Variants in GFPT2 observed in about 807,000 individuals in gnomAD.
GFPT2 encodes the protein glutamine--fructose-6-phosphate transaminase 2.
GFPT2 carries 62 observed loss-of-function variants against 85.6 expected under a neutral mutation model. The observed-to-expected ratio is 0.72, with a 90% CI of 0.59 to 0.90. GFPT2 has a LOEUF of 0.90. Ranked by LOEUF, GFPT2 falls within the 40% of genes least tolerant of loss-of-function variation. The pLI, the probability that GFPT2 is intolerant of heterozygous loss-of-function variation, is 0.00. For synonymous variants in GFPT2, 368 were observed against 344.5 expected, an observed-to-expected ratio of 1.07 and a Z score of -0.75; for missense variants, 788 against 893.4, an observed-to-expected ratio of 0.88 and a Z score of 1.50.
chr5:180,335,772 C>G, intron 4 of GFPT2, 56 bp downstream of exon 4: 2 of 1,568,084 alleles, frequency 1.3e-6, no homozygotes, highest in Non-Finnish European at 1.7e-6. Context: ...GGGCACTGGC[C>G]CTGACACAGC....
At chr5:180,336,453 C>T in intron 3 of GFPT2, 26 bp downstream of exon 3, 1 of 1,282,146 alleles carries the variant, frequency 7.8e-7, no homozygotes, top group Non-Finnish European at 1.1e-6. Flanking sequence ...GCAGCGGCTC[C>T]TCCCACTCAG....
chr5:180,352,271 G>A (rs1467954951), intron 1 of GFPT2: 2 of 379,292 alleles, frequency 5.3e-6, no homozygotes, highest in African/African-American at 2.2e-5. Context: ...GGCCTTTCAT[G>A]GCTTCGAAAG....
At chr5:180,346,541 G>A (rs747501194) in intron 1 of GFPT2, among the ~76,000 whole-genome samples, 1 of 152,108 alleles carries the variant, frequency 6.6e-6, no homozygotes, top group South Asian at 2.1e-4. Context: ...TCTCTGCCCC[G>A]CGGGCCCACC....
At chr5:180,342,564 C>G (rs1045028565) in intron 1 of GFPT2, among the ~76,000 whole-genome samples, 4 of 151,984 alleles carry the variant, frequency 2.6e-5, no homozygotes, top group Admixed American at 6.6e-5. Context: ...GCATAAGCCA[C>G]AGTGCCCAGC....
Position 180,336,464 on chromosome 5 carries a change from A to T in GFPT2, c.214+15T>A. 7.0e-7 allele frequency: 1 copy of T among 1,426,754 alleles called. No homozygotes were observed. Among genetic ancestry groups the T allele is most frequent in the Non-Finnish European group, 9.9e-7 (1 of 1,008,898 alleles). The allele number at this position is 1,426,754 out of a possible 1,614,324, so 88.4% of individuals were successfully genotyped here. On this transcript the variant is annotated intron_variant, in intron 3 of 18. Transcript: ENST00000253778. ...CGCTGCAGCGGCTCCTCCCACTCAG[A>T]GGTCCTCCACTTACTGTAAAGTTCT...
chr5:180,337,169 G>A (rs376914862), intron 2 of GFPT2, among the ~76,000 whole-genome samples: 1 of 152,180 alleles, frequency 6.6e-6, no homozygotes, highest in East Asian at 1.9e-4. Flanking sequence ...AAGAGTTTAG[G>A]ATCGGCCGGG....
At chr5:180,312,399 A>C (rs1763910426) in intron 15 of GFPT2, 31 bp downstream of exon 15, 2 of 1,152,034 alleles carry the variant, frequency 1.7e-6, no homozygotes, top group Non-Finnish European at 2.6e-6. Flanking sequence ...ACTAGATCTG[A>C]AAACATGGAA....
rs184877197 is a variant in GFPT2 at position 180,303,840 on chromosome 5, C to T, written c.1842+932G>A. Among the ~76,000 whole-genome samples the T allele has an allele frequency of 2.4e-3, 371 of 152,260 alleles. 1 individual carries two copies. The highest frequency in any genetic ancestry group is 3.4e-3 in the Admixed American group (52 of 15,290). ...TTTATGGGAGGTCCCTTGGACTATA[C>T]CTAACTTTATGCTAAGGTGACGACT... On this transcript the variant is annotated intron_variant, in intron 17 of 18. Transcript: ENST00000253778.
chr5:180,317,179 T>C (rs1211006553), intron 10 of GFPT2, 121 bp from the exon 11 acceptor site: 1 of 732,740 alleles, frequency 1.4e-6, no homozygotes, highest in Non-Finnish European at 2.4e-6. Context: ...CCCCAGGGAT[T>C]ACCCTGCCTG....
chr5:180,329,800 A>G (rs976144132), intron 6 of GFPT2, among the ~76,000 whole-genome samples: 2 of 152,156 alleles, frequency 1.3e-5, no homozygotes, highest in African/African-American at 4.8e-5. Flanking sequence ...ATGGGCTCTG[A>G]GAGGCCCGGA....
intron 1 of GFPT2, among the ~76,000 whole-genome samples, chr5:180,351,918 C>T (rs1422397546): frequency 6.6e-6 from 1 of 152,178 alleles, no homozygotes; most frequent in Non-Finnish European, 1.5e-5. Context: ...CCAGTTTTGG[C>T]CAAGGGTCTT....
At chr5:180,317,989 T>C (rs923812261) in intron 10 of GFPT2, among the ~76,000 whole-genome samples, 1 of 151,098 alleles carries the variant, frequency 6.6e-6, no homozygotes, top group South Asian at 2.1e-4. Context: ...CTGGCACTTG[T>C]GCGACGAGCA....
intron 8 of GFPT2, chr5:180,324,526 C>T (rs1166551789): frequency 5.2e-6 from 3 of 582,330 alleles, no homozygotes; most frequent in African/African-American, 3.7e-5. Flanking sequence ...CAAAAACAAA[C>T]CAAAGAAGCA....
rs200888012 is a variant in GFPT2 at position 180,304,871 on chromosome 5, C to T, written c.1743G>A (p.Leu581=). The part of the protein sequence containing the change: ...ILAGELKHGP[L]ALIDKQMPVI... ...CGGGCATCTGCTTGTCAATCAGTGC[C>T]AGGGGCCCGTGCTTCAGCTCCCCAG... is the stretch of plus-strand genomic sequence containing the variant. The change falls in exon 17 of 19, where the codon CTG becomes CTA. Residue 581 remains leucine, a synonymous_variant. Coordinates refer to ENST00000253778, the MANE Select transcript of GFPT2 (RefSeq NM_005110.4). 1 of 1,613,394 alleles carries T rather than the reference C, an allele frequency of 6.2e-7. No individual in the cohort carries two copies. The highest frequency in any genetic ancestry group is 1.7e-5 in the Admixed American group (1 of 60,024).
At position 180,330,575 on chromosome 5, in the gene GFPT2, C is replaced by T; in HGVS notation, c.534+125G>A. 2 of 750,380 alleles carry T rather than the reference C, an allele frequency of 2.7e-6. No individual in the cohort carries two copies. The highest frequency in any genetic ancestry group is 2.2e-6 in the Non-Finnish European group (1 of 446,420). The allele number at this position is 750,380 out of a possible 1,614,324, so 46.5% of individuals were successfully genotyped here. ...TGGGCTGTCTTTTATCCCCAGGACT[C>T]TGTGCAAGTTTGTCTAACAAGGGCT... On this transcript the variant is annotated intron_variant, in intron 6 of 18. Coordinates refer to ENST00000253778, the MANE Select transcript of GFPT2 (RefSeq NM_005110.4). The surrounding 1 kb of genome is among the most constrained non-coding windows in gnomAD (Gnocchi z 4.4).
At chr5:180,347,937 C>A (rs1333989683) in intron 1 of GFPT2, among the ~76,000 whole-genome samples, 1 of 152,116 alleles carries the variant, frequency 6.6e-6, no homozygotes, top group Non-Finnish European at 1.5e-5. Flanking sequence ...ATCTCTCCAA[C>A]TTTCCAAGCA....
rs532764819 is a variant in GFPT2, at chr5:180,304,786, C to T, written c.1828G>A (p.Val610Ile). Residue 610 changes from valine to isoleucine, a missense_variant, in exon 17 of 19, where the codon GTC becomes ATC. Transcript: ENST00000253778. Reference protein sequence around the residue: ...FAKCQNALQQVTARQGRPIIL... With the variant: ...FAKCQNALQQITARQGRPIIL... ...AGAGCCCTCACCTGGCGGGCCGTGA[C>T]TTGCTGCAGGGCGTTCTGGCATTTG... 1 of 1,613,370 alleles carries T rather than the reference C, an allele frequency of 6.2e-7. No individual in the cohort carries two copies. Among genetic ancestry groups the T allele is most frequent in the East Asian group, 2.2e-5 (1 of 44,884 alleles).
At chr5:180,305,402 A>G (rs1020441822) in intron 16 of GFPT2, among the ~76,000 whole-genome samples, 3 of 152,344 alleles carry the variant, frequency 2.0e-5, no homozygotes, top group African/African-American at 7.2e-5. Flanking sequence ...AAAATCACAC[A>G]AACTGGGGTG....
At chr5:180,311,518 G>A (rs1165949316) in intron 15 of GFPT2, among the ~76,000 whole-genome samples, 2 of 152,210 alleles carry the variant, frequency 1.3e-5, no homozygotes, top group Non-Finnish European at 2.9e-5. Flanking sequence ...GGGAAAGTGT[G>A]GTGGGGCTGC....
Sources: allele counts gnomAD v4.1 joint callset (sites outside exome capture counted in the v4.1 genomes callset), GRCh38; gene constraint gnomAD v4.1.1; non-coding constraint Gnocchi (gnomAD v3.1); transcripts MANE v1.5; gene names NCBI Gene and HGNC (gene_info 2026-07-23, HGNC 2026-07-21).